Variants in HAPLN2 observed in about 807,000 individuals in gnomAD.
The protein encoded by HAPLN2 is brain link protein-1.
A neutral mutation model predicts 29.3 loss-of-function variants in HAPLN2; 27 were observed. The ratio of observed to expected loss-of-function variants is 0.92; its 90% confidence interval spans 0.68 to 1.27. The LOEUF (loss-of-function observed/expected upper bound fraction) is 1.27, where lower values mean the gene tolerates loss of function less well. Among genes scored for constraint, HAPLN2 ranks in the 50% most tolerant of loss-of-function variants. The probability of loss-of-function intolerance (pLI) is 0.00; values close to 1 mark genes in which losing one functional copy is unlikely to be tolerated. For synonymous variants in HAPLN2, 208 were observed against 211.7 expected (o/e 0.98, Z 0.15); for missense variants, 454 against 484.3 (o/e 0.94, Z 0.59).
At chr1:156,618,435 G>A (rs1055186126), upstream of HAPLN2, among the ~76,000 whole-genome samples, 3 of 151,408 alleles carry the variant, frequency 2.0e-5, no homozygotes, top group Admixed American at 2.0e-4. Context: ...GCTATGATTG[G>A]GCCACTGCAC....
chr1:156,618,758 G>C (rs146012697), upstream of HAPLN2, among the ~76,000 whole-genome samples: 1 of 118,768 alleles, frequency 8.4e-6, no homozygotes, highest in Non-Finnish European at 1.6e-5. Flanking sequence ...CAGCCTGAGC[G>C]ACAGTGCGAG....
At chr1:156,617,004 C>T (rs975191981), upstream of HAPLN2, among the ~76,000 whole-genome samples, 1 of 151,854 alleles carries the variant, frequency 6.6e-6, no homozygotes, top group African/African-American at 2.4e-5. Context: ...TGGGAGGGAT[C>T]GTTTGAACCT....
chr1:156,610,108 G>A, the HAPLN2 span, among the ~76,000 whole-genome samples: 1 of 152,040 alleles, frequency 6.6e-6, no homozygotes, highest in African/African-American at 2.4e-5. Context: ...CAGGTCCTTG[G>A]GAGGCTGAGG....
At chr1:156,619,021 T>A (rs1678136109), upstream of HAPLN2, among the ~76,000 whole-genome samples, 1 of 152,102 alleles carries the variant, frequency 6.6e-6, no homozygotes, top group African/African-American at 2.4e-5. Flanking sequence ...CTAATCTCCA[T>A]CTCTCCTATT....
the HAPLN2 span, among the ~76,000 whole-genome samples, chr1:156,609,440 T>C: frequency 6.6e-6 from 1 of 152,230 alleles, no homozygotes; most frequent in African/African-American, 2.4e-5. Flanking sequence ...CACTTTTTAA[T>C]GTTGTTATGT....
intron 4 of HAPLN2, 80 bp from the exon 5 acceptor site, chr1:156,624,271 C>T: frequency 6.6e-7 from 1 of 1,508,886 alleles, no homozygotes; most frequent in Non-Finnish European, 9.0e-7. Context: ...GACCCCAGCT[C>T]CCTCTCCCAG....
At position 156,624,118 on chromosome 1, in the gene HAPLN2, G is replaced by T; in HGVS notation, c.397G>T (p.Gly133Cys). ...CCGGTACCGCTGCGAGCTCATCAACGGCATCGAGGACGAGAGCGTGGCGCT... is the reference window on the plus strand; with the variant it reads ...CCGGTACCGCTGCGAGCTCATCAACTGCATCGAGGACGAGAGCGTGGCGCT... ...EGRYRCELIN[G>C]IEDESVALTL... The change falls in exon 4 of 7, where the codon GGC becomes TGC. Residue 133 changes from glycine (G) to cysteine (C), a missense_variant. By Grantham distance (159) the Gly-to-Cys change is radical. This residue lies in a region of HAPLN2 where 204 missense variants were observed against 209.2 expected (regional missense o/e 0.98). Transcript: ENST00000255039. 3 of 1,613,682 alleles carry T rather than the reference G, an allele frequency of 1.9e-6. No individual in the cohort carries two copies. The highest frequency in any genetic ancestry group is 2.5e-6 in the Non-Finnish European group (3 of 1,179,914).
At chr1:156,618,520 C>T (rs1015684818), upstream of HAPLN2, among the ~76,000 whole-genome samples, 1 of 151,966 alleles carries the variant, frequency 6.6e-6, no homozygotes, top group African/African-American at 2.4e-5. Context: ...TGGCTCACGC[C>T]TGTAATCCCA....
rs1419117492 is a variant in HAPLN2 at position 156,623,895 on chromosome 1, C to T, written c.174C>T (p.Val58=). The T allele has an allele frequency of 1.3e-6, 2 of 1,595,356 alleles. No homozygotes were observed. Among genetic ancestry groups the T allele is most frequent in the Non-Finnish European group, 1.7e-6 (2 of 1,171,206 alleles). The change falls in exon 4 of 7, where the codon GTC becomes GTT. Residue 58 remains valine (V), a synonymous_variant. Coordinates refer to ENST00000255039, the MANE Select transcript of HAPLN2 (RefSeq NM_021817.3). ...GGGCCACGGCCACGCTGCCCTGCGT[C>T]CTGGGCACCACGCCTCCCAGCTACA... is the stretch of plus-strand genomic sequence containing the variant. ...HRGATATLPC[V]LGTTPPSYKV...
chr1:156,624,820 G>T (rs1678392855), intron 6 of HAPLN2, 37 bp downstream of exon 6: 1 of 1,455,806 alleles, frequency 6.9e-7, no homozygotes, highest in Non-Finnish European at 9.0e-7. Context: ...TTGGGGAGGG[G>T]TCTGAAAAAT....
At chr1:156,611,500 A>G in the HAPLN2 span, among the ~76,000 whole-genome samples, 1 of 151,962 alleles carries the variant, frequency 6.6e-6, no homozygotes, top group Non-Finnish European at 1.5e-5. Context: ...GGGAAGTGGA[A>G]GTTGCAGTGA....
chr1:156,625,051 C>T lies in HAPLN2; in HGVS notation c.740-50C>T. The T allele has an allele frequency of 6.6e-7, 1 of 1,522,272 alleles. No homozygotes were observed. Among genetic ancestry groups the T allele is most frequent in the South Asian group, 1.2e-5 (1 of 83,252 alleles). 94.3% of individuals were successfully genotyped at this position (1,522,272 alleles called of 1,614,324 possible). A position where few individuals can be genotyped will look rare whatever the true frequency, so the allele number is the denominator to read the frequency against. On this transcript the variant is annotated intron_variant, in intron 6 of 6. Coordinates refer to ENST00000255039, the MANE Select transcript of HAPLN2 (RefSeq NM_021817.3). This position sits in a 1 kb window ranked among gnomAD's most constrained non-coding sequence, Gnocchi z 5.7. ...AACTCCGCCTCCTGGGTGTCAGCCGCCCCTCTCCGCCCACCCTGCCCTCGG... is the reference window on the plus strand; with the variant it reads ...AACTCCGCCTCCTGGGTGTCAGCCGTCCCTCTCCGCCCACCCTGCCCTCGG...
upstream of HAPLN2, among the ~76,000 whole-genome samples, chr1:156,618,468 G>A (rs189073149): frequency 1.3e-5 from 2 of 151,566 alleles, no homozygotes; most frequent in African/African-American, 4.8e-5. Flanking sequence ...AACAGATAGA[G>A]GCCTTGTCTT....
Position 156,623,483 on chromosome 1 carries a change from C to T in HAPLN2, c.-8C>T, listed in dbSNP as rs1238125850. Reference sequence around the variant, plus strand: ...GCCCTGCAGACGGTGCCGGGCTGACCCCCCATCATGCCAGGCTGGCTCACC... The same window carrying T: ...GCCCTGCAGACGGTGCCGGGCTGACTCCCCATCATGCCAGGCTGGCTCACC... On this transcript the variant is annotated 5_prime_UTR_variant, in exon 3 of 7. Coordinates refer to ENST00000255039, the MANE Select transcript of HAPLN2 (RefSeq NM_021817.3). The T allele has an allele frequency of 1.9e-6, 3 of 1,613,804 alleles. No individual in the cohort carries two copies. Among genetic ancestry groups the T allele is most frequent in the Non-Finnish European group, 2.5e-6 (3 of 1,179,966 alleles).
the HAPLN2 span, among the ~76,000 whole-genome samples, chr1:156,612,357 T>G: frequency 6.6e-6 from 1 of 152,150 alleles, no homozygotes; most frequent in Non-Finnish European, 1.5e-5. Flanking sequence ...TATATCCAGG[T>G]GAAGCTGTTA....
At chr1:156,624,891 G>C in intron 6 of HAPLN2, 108 bp downstream of exon 6, 1 of 1,331,462 alleles carries the variant, frequency 7.5e-7, no homozygotes. Context: ...GTCCCTCCAA[G>C]GCACCGCCCC....
intron 5 of HAPLN2, 42 bp from the exon 6 acceptor site, chr1:156,624,559 C>T (rs1302994718): frequency 6.2e-7 from 1 of 1,605,122 alleles, no homozygotes; most frequent in Non-Finnish European, 8.5e-7. Flanking sequence ...TGGCTCCTGC[C>T]TATGACGCCT....
rs1448868826 is a variant in HAPLN2 at position 156,623,861 on chromosome 1, C to G, written c.140C>G (p.Ser47Cys). The G allele has an allele frequency of 1.9e-6, 3 of 1,559,706 alleles. No homozygotes were observed. The highest frequency in any genetic ancestry group is 1.9e-5 in the Admixed American group (1 of 53,738). Residue 47 changes from serine to cysteine, a missense_variant, in exon 4 of 7, where the codon TCT (serine) becomes TGT (cysteine). Physicochemically the swap from Ser to Cys is moderately radical, Grantham distance 112. Transcript: ENST00000255039. Reference sequence around the variant, plus strand: ...CCCCCCATCCACGAGGTCATTCACTCTCATCGTGGGGCCACGGCCACGCTG... The same window carrying G: ...CCCCCCATCCACGAGGTCATTCACTGTCATCGTGGGGCCACGGCCACGCTG... ...LLPPIHEVIH[S>C]HRGATATLPC...
chr1:156,625,522 GC>G lies in HAPLN2; in HGVS notation c.*139del. 1.1e-6 allele frequency: 1 copy of G among 903,186 alleles called. No individual in the cohort carries two copies. The highest frequency in any genetic ancestry group is 1.5e-6 in the Non-Finnish European group (1 of 649,368). The allele number at this position is 903,186 out of a possible 1,614,324, so 55.9% of individuals were successfully genotyped here. A position where few individuals can be genotyped will look rare whatever the true frequency, so the allele number is the denominator to read the frequency against. On this transcript the variant is annotated 3_prime_UTR_variant, in exon 7 of 7. Coordinates refer to ENST00000255039, the MANE Select transcript of HAPLN2 (RefSeq NM_021817.3). This position sits in a 1 kb window ranked among gnomAD's most constrained non-coding sequence, Gnocchi z 5.7. ...TCCAGACCTGCCTTCCCAGCCGGGG[GC>G]TGCGGGCCTCGGACCCCGGCTGGCC...
Sources: allele counts gnomAD v4.1 joint callset (sites outside exome capture counted in the v4.1 genomes callset), GRCh38; gene constraint gnomAD v4.1.1; regional missense constraint gnomAD v4.1.1; non-coding constraint Gnocchi (gnomAD v3.1); transcripts MANE v1.5; gene names NCBI Gene and HGNC (gene_info 2026-07-23, HGNC 2026-07-21).